BSCL2: variants seen among roughly 807,000 people sequenced by gnomAD.
BSCL2 encodes the protein seipin.
A neutral mutation model predicts 57.4 loss-of-function variants in BSCL2; 41 were observed. The observed-to-expected ratio is 0.71, with a 90% CI of 0.56 to 0.93. BSCL2 has a LOEUF of 0.93. Ranked by LOEUF, BSCL2 falls within the 40% of genes least tolerant of loss-of-function variation. The pLI is 0.00. For synonymous variants in BSCL2, 237 were observed against 227.3 expected (o/e 1.04, Z -0.38); for missense variants, 539 against 586.7 (o/e 0.92, Z 0.84).
intron 7 of BSCL2, 64 bp downstream of exon 7, chr11:62,691,216 C>T (rs1263506664): frequency 4.3e-6 from 7 of 1,614,036 alleles, no homozygotes; most frequent in Non-Finnish European, 5.9e-6. Flanking sequence ...GCCTTAATCC[C>T]CAACATACCC....
At position 62,694,589 on chromosome 11, in the gene BSCL2, G is replaced by A. The variant is rs1590872998; in HGVS notation, c.609C>T (p.Ile203=). ...TISCYTRGGR[I]ISTSSRSVML... ...TTACCGAACGCGAAGAAGTGGAGAT[G>A]ATTCGGCCACCTCTGGTGTAGCAGG... The change falls in exon 4 of 11, where the codon ATC becomes ATT. Residue 203 remains isoleucine, a synonymous_variant. Coordinates refer to ENST00000360796, the MANE Select transcript of BSCL2 (RefSeq NM_001122955.4). 6.2e-7 allele frequency: 1 copy of A among 1,613,984 alleles called. No individual in the cohort carries two copies. The highest frequency in any genetic ancestry group is 8.5e-7 in the Non-Finnish European group (1 of 1,180,030).
chr11:62,705,829 C>T (rs983668463), intron 1 of BSCL2: 1 of 567,306 alleles, frequency 1.8e-6, no homozygotes, highest in African/African-American at 1.9e-5. Context: ...TGCTAAATCT[C>T]CTCAGTGGAA....
upstream of BSCL2, chr11:62,707,547 A>G (rs2083563322): frequency 1.7e-6 from 1 of 598,114 alleles, no homozygotes; most frequent in Non-Finnish European, 3.0e-6. Context: ...TCTAGCCCAG[A>G]GTCAGGATGC....
At position 62,705,372 on chromosome 11, in the gene BSCL2, G is replaced by A. The variant is rs142016433; in HGVS notation, c.333C>T (p.Phe111=). 13 of 1,614,140 alleles carry A rather than the reference G, an allele frequency of 8.1e-6. No individual in the cohort carries two copies. In the Admixed American group the frequency reaches 8.3e-5, roughly 10 times the overall value. The change falls in exon 2 of 11, where the codon TTC becomes TTT. Residue 111 remains phenylalanine (F), a synonymous_variant. Coordinates refer to ENST00000360796, the MANE Select transcript of BSCL2 (RefSeq NM_001122955.4). ...TILLLLWVSV[F]LYGSFYYSYM... Reference sequence around the variant, plus strand: ...AGGAATAGTAGAAGGAGCCATAGAGGAAGACAGACACCCAGAGCAAAAGGA... The same window carrying A: ...AGGAATAGTAGAAGGAGCCATAGAGAAAGACAGACACCCAGAGCAAAAGGA...
chr11:62,708,987 C>G, upstream of BSCL2: 1 of 610,520 alleles, frequency 1.6e-6, no homozygotes, highest in Middle Eastern at 4.0e-4. Flanking sequence ...TTTCCTACCA[C>G]CTTTGTGGCC....
chr11:62,692,831 G>A (rs1346941787), intron 4 of BSCL2, 34 bp from the exon 5 acceptor site: 8 of 1,611,092 alleles, frequency 5.0e-6, no homozygotes, highest in Non-Finnish European at 6.8e-6. Flanking sequence ...CTGGGGACAG[G>A]TGCATGCCAG....
intron 7 of BSCL2, 34 bp downstream of exon 7, chr11:62,691,246 A>G: frequency 6.2e-7 from 1 of 1,614,164 alleles, no homozygotes; most frequent in East Asian, 2.2e-5. Context: ...CACAAAGATC[A>G]AAGGGACAAA....
chr11:62,708,247 G>A (rs2083576467), upstream of BSCL2: 1 of 1,192,732 alleles, frequency 8.4e-7, no homozygotes, highest in Non-Finnish European at 1.3e-6. Context: ...AGCATGGAGG[G>A]GGGCCTCCAG....
At chr11:62,706,652 A>G (rs2083545070) in intron 1 of BSCL2, 1 of 474,790 alleles carries the variant, frequency 2.1e-6, no homozygotes, top group Non-Finnish European at 4.4e-6. Context: ...CGGCCGAGTG[A>G]GGCGGTCATC....
At chr11:62,706,270 G>C (rs374173364) in intron 1 of BSCL2, 1 of 1,099,208 alleles carries the variant, frequency 9.1e-7, no homozygotes, top group Non-Finnish European at 1.1e-6. Context: ...AGCCTCGCGC[G>C]CTGCCAGGGC....
intron 3 of BSCL2, among the ~76,000 whole-genome samples, chr11:62,700,669 C>G (rs1395555354): frequency 1.3e-5 from 2 of 151,706 alleles, no homozygotes; most frequent in Non-Finnish European, 3.0e-5. Context: ...AATAAAACTT[C>G]AGGCTGGGTG....
intron 6 of BSCL2, among the ~76,000 whole-genome samples, chr11:62,691,921 A>G (rs977454397): frequency 6.6e-6 from 1 of 152,168 alleles, no homozygotes; most frequent in East Asian, 1.9e-4. Context: ...GTGTGGTCGC[A>G]GGCGCCTGTA....
chr11:62,706,801 C>A, intron 1 of BSCL2: 1 of 575,722 alleles, frequency 1.7e-6, no homozygotes, highest in East Asian at 3.9e-5. Flanking sequence ...GTGCCCTGTT[C>A]CCAGCGTGGT....
chr11:62,692,249 C>G (rs1945331247), intron 6 of BSCL2, 127 bp downstream of exon 6: 1 of 939,222 alleles, frequency 1.1e-6, no homozygotes, highest in Non-Finnish European at 1.7e-6. Context: ...GCTTTGAGAC[C>G]CTCTGGCCTA....
At chr11:62,698,604 A>C (rs2259377) in intron 3 of BSCL2, among the ~76,000 whole-genome samples, 116,032 of 152,218 alleles carry the variant, frequency 0.76, 44,357 homozygotes, top group Admixed American at 0.83. Flanking sequence ...ACATCTACTT[A>C]TAGCAAGCCG....
intron 6 of BSCL2, 114 bp from the exon 7 acceptor site, chr11:62,691,535 T>C: frequency 7.8e-7 from 1 of 1,282,728 alleles, no homozygotes; most frequent in Non-Finnish European, 1.1e-6. Context: ...TACAGCTGGC[T>C]CTGTCACCCC....
At chr11:62,697,012 G>A (rs902321931) in intron 3 of BSCL2, among the ~76,000 whole-genome samples, 8 of 151,562 alleles carry the variant, frequency 5.3e-5, no homozygotes, top group Non-Finnish European at 7.4e-5. Context: ...CACTCCAACC[G>A]GGGTGACAGA....
At chr11:62,691,561 C>G in intron 6 of BSCL2, 140 bp from the exon 7 acceptor site, 3 of 1,042,370 alleles carry the variant, frequency 2.9e-6, no homozygotes, top group South Asian at 2.7e-5. Flanking sequence ...CCCACCCACA[C>G]AGTTTCCAGA....
chr11:62,696,888 C>A (rs1167996387), intron 3 of BSCL2, among the ~76,000 whole-genome samples: 2 of 151,904 alleles, frequency 1.3e-5, no homozygotes, highest in Non-Finnish European at 2.9e-5. Context: ...AGGTAGTTCT[C>A]TTAGCCAGGT....
Sources: allele counts gnomAD v4.1 joint callset (sites outside exome capture counted in the v4.1 genomes callset), GRCh38; gene constraint gnomAD v4.1.1; transcripts MANE v1.5; gene names NCBI Gene and HGNC (gene_info 2026-07-23, HGNC 2026-07-21).